OAS1: variants seen among roughly 807,000 people sequenced by gnomAD.
OAS1 encodes 2'-5'-oligoadenylate synthase 1.
Under a neutral mutation model 38.5 loss-of-function variants are expected in OAS1, and 24 were observed. The ratio of observed to expected loss-of-function variants is 0.62; its 90% CI spans 0.45 to 0.88. The LOEUF (loss-of-function observed/expected upper bound fraction) is 0.88, where lower values mean the gene tolerates loss of function less well. Ranked by LOEUF, OAS1 falls within the 40% of genes least tolerant of loss-of-function variation. OAS1 has a pLI of 0.00. For missense variants in OAS1, 482 were observed against 493.9 expected (o/e 0.98, Z 0.23); for synonymous variants, 169 against 193.9 (o/e 0.87, Z 1.07).
At chr12:112,932,180 C>T (rs1003501088), downstream of OAS1, 5 of 370,788 alleles carry the variant, frequency 1.3e-5, no homozygotes, top group Non-Finnish European at 1.9e-5. Context: ...CTCTGTCCCT[C>T]ATTAAAAAAT....
At chr12:112,914,244 G>A (rs1460396540) in intron 3 of OAS1, among the ~76,000 whole-genome samples, 1 of 152,050 alleles carries the variant, frequency 6.6e-6, no homozygotes, top group Non-Finnish European at 1.5e-5. Flanking sequence ...TTCCATCCAG[G>A]TTGCTGTGAA....
intron 6 of OAS1, among the ~76,000 whole-genome samples, chr12:112,930,646 C>T (rs1327611660): frequency 2.0e-5 from 3 of 152,238 alleles, no homozygotes; most frequent in Non-Finnish European, 4.4e-5. Flanking sequence ...GACTAAGGTC[C>T]CCTTTGGTCC....
chr12:112,910,328 A>G (rs888983133), intron 2 of OAS1, among the ~76,000 whole-genome samples: 1 of 152,152 alleles, frequency 6.6e-6, no homozygotes, highest in Non-Finnish European at 1.5e-5. Flanking sequence ...AGATCATGCC[A>G]TTGCACTCCA....
exon 7 of OAS1, chr12:112,932,011 G>T (rs1257388423): frequency 1.5e-6 from 1 of 683,254 alleles, no homozygotes; most frequent in East Asian, 2.7e-5. Flanking sequence ...TCACAGCAAG[G>T]AAAACCTTCA....
At chr12:112,908,906 C>T (rs750994615) in intron 2 of OAS1, 82 bp downstream of exon 2, 23 of 1,428,848 alleles carry the variant, frequency 1.6e-5, no homozygotes, top group Non-Finnish European at 2.2e-5. Flanking sequence ...TTTGCCCCAA[C>T]AGGGCATCTC....
At chr12:112,931,950 A>G in exon 7 of OAS1, 1 of 702,436 alleles carries the variant, frequency 1.4e-6, no homozygotes, top group African/African-American at 1.7e-5. Flanking sequence ...TGCAACAGAC[A>G]AGAGGAGCCT....
intron 5 of OAS1, chr12:112,918,193 T>C: frequency 5.3e-6 from 1 of 190,472 alleles, no homozygotes; most frequent in Non-Finnish European, 1.1e-5. Flanking sequence ...CCTTTGCCTT[T>C]CTCCCTTCCT....
chr12:112,909,597 C>T (rs1302408572), intron 2 of OAS1, among the ~76,000 whole-genome samples: 1 of 152,100 alleles, frequency 6.6e-6, no homozygotes, highest in Non-Finnish European at 1.5e-5. Context: ...GCCAAGGATT[C>T]GAGGTGTCAG....
downstream of OAS1, among the ~76,000 whole-genome samples, chr12:112,922,631 G>A (rs112384960): frequency 2.2e-3 from 329 of 152,254 alleles, 2 homozygotes; most frequent in African/African-American, 7.7e-3. Context: ...CATGATGCAG[G>A]TGTCCCTCTC....
Position 112,907,007 on chromosome 12 carries a change from G to A in OAS1, c.-33G>A. On this transcript the variant is annotated 5_prime_UTR_variant, in exon 1 of 6. Transcript: ENST00000202917. ...AAGAGATAAAAGCAAACAGGTCTGGGAGGCAGTTCTGTTGCCACTCTCTCT... is the reference window on the plus strand; with the variant it reads ...AAGAGATAAAAGCAAACAGGTCTGGAAGGCAGTTCTGTTGCCACTCTCTCT... 6.2e-7 allele frequency: 1 copy of A among 1,611,300 alleles called. No homozygotes were observed.
downstream of OAS1, chr12:112,933,075 A>C (rs2043607530): frequency 6.6e-6 from 1 of 152,240 alleles, no homozygotes; most frequent in African/African-American, 2.4e-5. Context: ...CTGTGACTCC[A>C]AGTGGCATCA....
intron 3 of OAS1, among the ~76,000 whole-genome samples, chr12:112,912,744 G>C (rs2043403606): frequency 6.6e-6 from 1 of 152,216 alleles, no homozygotes; most frequent in African/African-American, 2.4e-5. Flanking sequence ...ATGATCAAGA[G>C]AGTCCTGCAC....
chr12:112,909,776 A>C (rs535594040), intron 2 of OAS1, among the ~76,000 whole-genome samples: 12 of 152,358 alleles, frequency 7.9e-5, no homozygotes, highest in Non-Finnish European at 1.0e-4. Context: ...TTTAGATTTT[A>C]ATTTTTTGAG....
intron 1 of OAS1, 125 bp downstream of exon 1, chr12:112,907,344 G>T (rs1484354214): frequency 1.2e-6 from 1 of 843,726 alleles, no homozygotes; most frequent in Non-Finnish European, 1.9e-6. Context: ...TGAGTACAGA[G>T]AGCTGAGATC....
chr12:112,925,917 G>C (rs1222398457), intron 6 of OAS1, among the ~76,000 whole-genome samples: 1 of 152,164 alleles, frequency 6.6e-6, no homozygotes, highest in Non-Finnish European at 1.5e-5. Flanking sequence ...TATCCTAAAG[G>C]AAGTTAGAGC....
chr12:112,930,182 C>T (rs577874271), intron 6 of OAS1, among the ~76,000 whole-genome samples: 106 of 152,270 alleles, frequency 7.0e-4, no homozygotes, highest in African/African-American at 2.4e-3. Flanking sequence ...CCTGCTCCCC[C>T]TTTGCCTTCT....
chr12:112,917,851 C>T, intron 5 of OAS1, 151 bp downstream of exon 5: 2 of 1,556,860 alleles, frequency 1.3e-6, no homozygotes, highest in East Asian at 2.3e-5. Flanking sequence ...CCATATTTTA[C>T]AGTCATTTTG....
intron 1 of OAS1, 24 bp downstream of exon 1, chr12:112,907,243 G>A (rs1448045027): frequency 4.3e-6 from 7 of 1,609,550 alleles, no homozygotes; most frequent in Non-Finnish European, 6.0e-6. Flanking sequence ...TGCCTGGCCA[G>A]GGGAGGGGTG....
chr12:112,919,563 C>T lies in OAS1; in HGVS notation c.*10C>T, dbSNP rs1305020777. ...CTGCACCATCCTCTGAATGCCAGTG[C>T]ATCTTGGGGGAAAGGGCTCCAGTGT... On this transcript the variant is annotated 3_prime_UTR_variant, in exon 6 of 6. Coordinates refer to ENST00000202917, the MANE Select transcript of OAS1 (RefSeq NM_016816.4). The T allele has an allele frequency of 6.2e-7, 1 of 1,614,112 alleles. No homozygotes were observed. The highest frequency in any genetic ancestry group is 8.5e-7 in the Non-Finnish European group (1 of 1,180,044).
Sources: allele counts gnomAD v4.1 joint callset (sites outside exome capture counted in the v4.1 genomes callset), GRCh38; gene constraint gnomAD v4.1.1; transcripts MANE v1.5; gene names NCBI Gene and HGNC (gene_info 2026-07-23, HGNC 2026-07-21).